OLFM3: variants seen among roughly 807,000 people sequenced by gnomAD.
OLFM3 encodes noelin-3.
In OLFM3, 20 loss-of-function variants were observed where a neutral mutation model predicts 48.6. The observed-to-expected ratio is 0.41, with a 90% CI of 0.29 to 0.60. OLFM3 has a LOEUF of 0.60. OLFM3 is among the 20% of genes least tolerant of loss of function. The pLI is 0.28. For synonymous variants in OLFM3, 222 were observed against 198.1 expected, an observed-to-expected ratio of 1.12 and a Z score of -1.01; for missense variants, 437 against 544.3, an observed-to-expected ratio of 0.80 and a Z score of 1.96.
At chr1:101,825,758 T>C (rs973315781) in intron 3 of OLFM3, among the ~76,000 whole-genome samples, 5 of 152,206 alleles carry the variant, frequency 3.3e-5, no homozygotes, top group Admixed American at 6.5e-5. Context: ...ATCAGCTTTT[T>C]TCTGACACTT....
At chr1:101,823,632 A>T (rs554635440) in intron 4 of OLFM3, among the ~76,000 whole-genome samples, 3 of 152,164 alleles carry the variant, frequency 2.0e-5, no homozygotes, top group East Asian at 3.9e-4. Flanking sequence ...GGAGATTTTC[A>T]ACAGAGCAAA....
intron 1 of OLFM3, among the ~76,000 whole-genome samples, chr1:101,847,629 T>C (rs1268328954): frequency 6.6e-6 from 1 of 152,196 alleles, no homozygotes. Flanking sequence ...CCTTTAGGCA[T>C]CTTACACCTG....
In OLFM3 at chr1:101,846,725, T is replaced by C. The variant is rs990573305; in HGVS notation, c.70-9700A>G. The C allele has an allele frequency of 5.1e-5, 35 of 680,106 alleles. No homozygotes were observed. In the Middle Eastern group the frequency reaches 7.6e-4, roughly 15 times the overall value. 42.1% of individuals were successfully genotyped at this position (680,106 alleles called of 1,614,324 possible). A position where few individuals can be genotyped will look rare whatever the true frequency, so the allele number is the denominator to read the frequency against. ...ATGATGAAAGTTACCACATAGTTACTACATTTTTGAAGCTGACCTGTAAAG... is the reference window on the plus strand; with the variant it reads ...ATGATGAAAGTTACCACATAGTTACCACATTTTTGAAGCTGACCTGTAAAG... On this transcript the variant is annotated intron_variant, in intron 1 of 5. Coordinates refer to ENST00000370103, the MANE Select transcript of OLFM3 (RefSeq NM_058170.4).
At chr1:101,955,049 T>C (rs563697389) in intron 1 of OLFM3, among the ~76,000 whole-genome samples, 37 of 152,184 alleles carry the variant, frequency 2.4e-4, no homozygotes, top group African/African-American at 8.9e-4. Flanking sequence ...GTAGACGAAG[T>C]ATTATGTAAA....
intron 1 of OLFM3, among the ~76,000 whole-genome samples, chr1:101,944,879 C>CAA (rs35504595): frequency 3.1e-4 from 45 of 145,780 alleles, no homozygotes; most frequent in South Asian, 4.3e-4. Flanking sequence ...GACTCCACCT[C>CAA]AAAAAAAAAA....
At chr1:101,985,537 A>G (rs1661211233) in intron 1 of OLFM3, among the ~76,000 whole-genome samples, 1 of 152,330 alleles carries the variant, frequency 6.6e-6, no homozygotes, top group East Asian at 1.9e-4. Context: ...CCACTATCGG[A>G]AACATATAGA....
rs564002353 is a variant in OLFM3 at position 101,804,586 on chromosome 1, G to A, written c.1029C>T (p.Asn343=). The A allele has an allele frequency of 1.2e-5, 19 of 1,612,446 alleles. No individual in the cohort carries two copies. The South Asian group carries it at 1.5e-4, about 13-fold the overall frequency. ...EIGLWAVYAT[N]QNAGNIVISQ... is the part of the protein sequence containing the mutation. ...TGATGACAATATTGCCTGCATTCTG[G>A]TTAGTTGCATACACAGCCCACAGCC... The change falls in exon 6 of 6, where the codon AAC becomes AAT. Residue 343 remains asparagine, a synonymous_variant. Coordinates refer to ENST00000370103, the MANE Select transcript of OLFM3 (RefSeq NM_058170.4). This position sits in a 1 kb window ranked among gnomAD's most constrained non-coding sequence, Gnocchi z 4.5.
At chr1:101,979,099 GCATGCAGAAATAATA>G (rs1661035237) in intron 1 of OLFM3, among the ~76,000 whole-genome samples, 1 of 152,100 alleles carries the variant, frequency 6.6e-6, no homozygotes, top group African/African-American at 2.4e-5. Flanking sequence ...TTGTGGGGGG[GCATGCAGAAATAATA>G]CATTCTCTTA....
chr1:101,958,764 T>A (rs1465168180), intron 1 of OLFM3, among the ~76,000 whole-genome samples: 1 of 151,520 alleles, frequency 6.6e-6, no homozygotes, highest in Non-Finnish European at 1.5e-5. Flanking sequence ...TAAATGACTT[T>A]ATTTTTAAAA....
intron 1 of OLFM3, among the ~76,000 whole-genome samples, chr1:101,996,515 C>T (rs560471411): frequency 3.3e-5 from 5 of 152,252 alleles, no homozygotes; most frequent in Middle Eastern, 3.4e-3. Context: ...GCTGCCCATG[C>T]ACATTATATT....
chr1:101,952,612 A>G (rs1278575649), intron 1 of OLFM3, among the ~76,000 whole-genome samples: 1 of 152,108 alleles, frequency 6.6e-6, no homozygotes, highest in African/African-American at 2.4e-5. Flanking sequence ...AGTTATAAAC[A>G]TATCCAAGAC....
At chr1:101,958,355 A>G (rs1660360478) in intron 1 of OLFM3, among the ~76,000 whole-genome samples, 1 of 152,002 alleles carries the variant, frequency 6.6e-6, no homozygotes, top group African/African-American at 2.4e-5. Context: ...TCTTTTCTAC[A>G]CTGTGAGGCA....
At chr1:101,844,012 T>C (rs1655862871) in intron 1 of OLFM3, among the ~76,000 whole-genome samples, 1 of 152,154 alleles carries the variant, frequency 6.6e-6, no homozygotes, top group Non-Finnish European at 1.5e-5. Flanking sequence ...GAAGAGCTGG[T>C]TTACTACTTT....
intron 1 of OLFM3, among the ~76,000 whole-genome samples, chr1:101,873,078 T>A (rs1165588228): frequency 1.3e-5 from 2 of 151,952 alleles, no homozygotes; most frequent in African/African-American, 4.8e-5. Context: ...TAAAATAAGA[T>A]GAAGTCTATC....
intron 1 of OLFM3, chr1:101,837,651 T>C (rs1376001301): frequency 6.6e-6 from 1 of 152,238 alleles, no homozygotes; most frequent in Non-Finnish European, 1.5e-5. Context: ...TGTACACTTA[T>C]CACTCTACCT....
intron 1 of OLFM3, among the ~76,000 whole-genome samples, chr1:101,964,279 G>C (rs1366149984): frequency 1.3e-5 from 2 of 152,152 alleles, no homozygotes; most frequent in African/African-American, 4.8e-5. Flanking sequence ...GTTGAATATT[G>C]CTGGAGTGTA....
intron 1 of OLFM3, among the ~76,000 whole-genome samples, chr1:101,882,195 G>A (rs991933093): frequency 1.3e-4 from 20 of 150,594 alleles, no homozygotes; most frequent in African/African-American, 4.9e-4. Flanking sequence ...ATGGTGTTTT[G>A]GAAAACTACA....
intron 4 of OLFM3, chr1:101,812,346 A>G (rs1654107628): frequency 1.2e-6 from 1 of 811,182 alleles, no homozygotes; most frequent in African/African-American, 1.9e-5. Context: ...TTAAAAATAT[A>G]TAAAATTAAA....
chr1:101,955,560 G>A (rs758145657), intron 1 of OLFM3, among the ~76,000 whole-genome samples: 1 of 151,508 alleles, frequency 6.6e-6, no homozygotes, highest in African/African-American at 2.4e-5. Flanking sequence ...AGTTTTCTTC[G>A]CCCCATGATT....
Sources: allele counts gnomAD v4.1 joint callset (sites outside exome capture counted in the v4.1 genomes callset), GRCh38; gene constraint gnomAD v4.1.1; non-coding constraint Gnocchi (gnomAD v3.1); transcripts MANE v1.5; gene names NCBI Gene and HGNC (gene_info 2026-07-23, HGNC 2026-07-21).